The following FHIP1A variants were observed in gnomAD, a reference collection of about 807,000 sequenced individuals.
FHIP1A encodes the protein FHF complex subunit HOOK interacting protein 1A.
A neutral mutation model predicts 88.6 loss-of-function variants in FHIP1A; 61 were observed. That is an observed-to-expected ratio of 0.69 (90% CI 0.56 to 0.85). The LOEUF (loss-of-function observed/expected upper bound fraction) is 0.85, where lower values mean the gene tolerates loss of function less well. Ranked by LOEUF, FHIP1A falls within the 40% of genes least tolerant of loss-of-function variation. The pLI, the probability that FHIP1A is intolerant of heterozygous loss-of-function variation, is 0.00. For synonymous variants in FHIP1A, 478 were observed against 496.0 expected, an observed-to-expected ratio of 0.96 and a Z score of 0.48; for missense variants, 1,154 against 1,273.5, an observed-to-expected ratio of 0.91 and a Z score of 1.43.
intron 1 of FHIP1A, among the ~76,000 whole-genome samples, chr4:151,415,851 G>T (rs117690604): frequency 6.6e-6 from 1 of 151,764 alleles, no homozygotes; most frequent in Non-Finnish European, 1.5e-5. Context: ...TGGTTTTAAT[G>T]TTTTCCCCAA....
At chr4:151,496,698 G>A (rs892890199) in intron 3 of FHIP1A, among the ~76,000 whole-genome samples, 3 of 140,866 alleles carry the variant, frequency 2.1e-5, no homozygotes, top group Admixed American at 7.2e-5. Context: ...GACCACAGGA[G>A]CATACCACCA....
chr4:151,646,975 G>A (rs1447907918), intron 10 of FHIP1A, among the ~76,000 whole-genome samples: 2 of 152,080 alleles, frequency 1.3e-5, no homozygotes, highest in South Asian at 2.1e-4. Context: ...TTTATTTTAC[G>A]TAGACTTTCT....
intron 7 of FHIP1A, among the ~76,000 whole-genome samples, chr4:151,599,501 C>G (rs1218075848): frequency 2.6e-5 from 4 of 152,182 alleles, no homozygotes; most frequent in African/African-American, 9.7e-5. Flanking sequence ...CAACACCAAT[C>G]TGACCCCAAG....
chr4:151,541,723 G>A (rs1484378774), intron 3 of FHIP1A, among the ~76,000 whole-genome samples: 1 of 152,310 alleles, frequency 6.6e-6, no homozygotes, highest in East Asian at 1.9e-4. Context: ...GTAAATCAGT[G>A]TGCCTTTATG....
chr4:151,633,463 G>T (rs1309182155), intron 8 of FHIP1A, among the ~76,000 whole-genome samples: 3 of 151,846 alleles, frequency 2.0e-5, no homozygotes, highest in African/African-American at 7.2e-5. Context: ...ATTTTATGAG[G>T]CCAGTGTTGC....
intron 3 of FHIP1A, among the ~76,000 whole-genome samples, chr4:151,501,439 A>G (rs752797023): frequency 6.6e-6 from 1 of 151,996 alleles, no homozygotes; most frequent in African/African-American, 2.4e-5. Flanking sequence ...ATCCTCACTA[A>G]CACTTGTTAT....
chr4:151,464,328 C>T (rs993658221), intron 2 of FHIP1A, among the ~76,000 whole-genome samples: 1 of 152,132 alleles, frequency 6.6e-6, no homozygotes, highest in Non-Finnish European at 1.5e-5. Flanking sequence ...GATAGTAAAA[C>T]CATTAAAAAT....
chr4:151,575,937 CA>C (rs956411218), intron 4 of FHIP1A, among the ~76,000 whole-genome samples: 24 of 152,224 alleles, frequency 1.6e-4, no homozygotes, highest in African/African-American at 5.5e-4. Flanking sequence ...GAGGGTACTG[CA>C]AAAGACACAT....
At chr4:151,488,267 G>A (rs1019869232) in intron 3 of FHIP1A, among the ~76,000 whole-genome samples, 1 of 152,068 alleles carries the variant, frequency 6.6e-6, no homozygotes, top group Non-Finnish European at 1.5e-5. Flanking sequence ...AAATGGTCCT[G>A]TCACCTAGGT....
At chr4:151,476,196 C>CAGTG (rs1729696494) in intron 2 of FHIP1A, among the ~76,000 whole-genome samples, 2 of 144,218 alleles carry the variant, frequency 1.4e-5, no homozygotes, top group African/African-American at 5.2e-5. Context: ...GGCTGGAGCG[C>CAGTG]AGTGGCAAGA....
chr4:151,500,809 A>G (rs1389312547), intron 3 of FHIP1A, among the ~76,000 whole-genome samples: 1 of 152,218 alleles, frequency 6.6e-6, no homozygotes, highest in East Asian at 1.9e-4. Context: ...GAAATACCTT[A>G]AATCAGAAAG....
chr4:151,415,191 T>C (rs560885596), intron 1 of FHIP1A, among the ~76,000 whole-genome samples: 1 of 151,974 alleles, frequency 6.6e-6, no homozygotes, highest in African/African-American at 2.4e-5. Context: ...TGGTTTTTTT[T>C]TTTGTTTTTT....
chr4:151,496,950 CATATAA>C (rs1730485105), intron 3 of FHIP1A, among the ~76,000 whole-genome samples: 1 of 151,558 alleles, frequency 6.6e-6, no homozygotes, highest in African/African-American at 2.4e-5. Context: ...CCAAAAGAAA[CATATAA>C]ATATAATATA....
At chr4:151,617,849 G>C (rs1241348286) in intron 7 of FHIP1A, among the ~76,000 whole-genome samples, 1 of 152,164 alleles carries the variant, frequency 6.6e-6, no homozygotes. Flanking sequence ...TTGCGCCACT[G>C]CACTCCAGCC....
In FHIP1A at chr4:151,663,606, T is replaced by C. The variant is rs557894385; in HGVS notation, c.*852T>C. Reference sequence around the variant, plus strand: ...ACAACCATCATTATTTTTGTAAGTGTTTTATAAAAACAAACTGATTAACTT... The same window carrying C: ...ACAACCATCATTATTTTTGTAAGTGCTTTATAAAAACAAACTGATTAACTT... On this transcript the variant is annotated 3_prime_UTR_variant, in exon 14 of 14. Coordinates refer to ENST00000435205, the MANE Select transcript of FHIP1A (RefSeq NM_001109977.3). The C allele has an allele frequency of 6.6e-6, 1 of 152,310 alleles. No individual in the cohort carries two copies. Among genetic ancestry groups the C allele is most frequent in the South Asian group, 2.1e-4 (1 of 4,830 alleles). The allele number at this position is 152,310 out of a possible 1,614,324, so 9.4% of individuals were successfully genotyped here.
intron 2 of FHIP1A, among the ~76,000 whole-genome samples, chr4:151,462,915 C>A (rs554872463): frequency 6.6e-6 from 1 of 152,110 alleles, no homozygotes; most frequent in Admixed American, 6.5e-5. Context: ...TGCGGAATTA[C>A]ATGGAGTTTT....
At chr4:151,528,815 G>A (rs748279879) in intron 3 of FHIP1A, among the ~76,000 whole-genome samples, 6 of 152,166 alleles carry the variant, frequency 3.9e-5, no homozygotes, top group East Asian at 1.9e-4. Context: ...GTCTTAAGAA[G>A]TGTTAGAATA....
chr4:151,579,385 T>G (rs561434038), intron 5 of FHIP1A, among the ~76,000 whole-genome samples: 1 of 152,320 alleles, frequency 6.6e-6, no homozygotes, highest in African/African-American at 2.4e-5. Flanking sequence ...TACCTTCCTC[T>G]CAGTTTTGTC....
At chr4:151,515,391 C>T (rs554533465) in intron 3 of FHIP1A, among the ~76,000 whole-genome samples, 1 of 151,698 alleles carries the variant, frequency 6.6e-6, no homozygotes, top group Admixed American at 6.6e-5. Context: ...TGAAAAGTGG[C>T]ACAAGACAGG....
Sources: allele counts gnomAD v4.1 joint callset (sites outside exome capture counted in the v4.1 genomes callset), GRCh38; gene constraint gnomAD v4.1.1; transcripts MANE v1.5; gene names NCBI Gene and HGNC (gene_info 2026-07-23, HGNC 2026-07-21).